Variants in NNMT observed in about 807,000 individuals in gnomAD.
The protein encoded by NNMT is nicotinamide N-methyltransferase.
A neutral mutation model predicts 11.7 loss-of-function variants in NNMT; 10 were observed. The observed-to-expected ratio is 0.85, with a 90% CI of 0.53 to 1.45. The LOEUF (loss-of-function observed/expected upper bound fraction) is 1.45, where lower values mean the gene tolerates loss of function less well. Among genes scored for constraint, NNMT ranks in the 40% most tolerant of loss-of-function variants. NNMT has a pLI of 0.00. For missense variants in NNMT, 381 were observed against 319.4 expected, an observed-to-expected ratio of 1.19 and a Z score of -1.47; for synonymous variants, 143 against 133.8, an observed-to-expected ratio of 1.07 and a Z score of -0.48.
intron 2 of NNMT, among the ~76,000 whole-genome samples, chr11:114,304,625 G>A (rs1454755420): frequency 1.3e-5 from 2 of 152,098 alleles, no homozygotes; most frequent in Non-Finnish European, 2.9e-5. Context: ...TTGTGCTAAA[G>A]GCTGCCAAAG....
In NNMT at chr11:114,298,036, G is replaced by C. The variant is rs1945400435; in HGVS notation, c.240G>C (p.Glu80Asp). 6.2e-7 allele frequency: 1 copy of C among 1,613,990 alleles called. No individual in the cohort carries two copies. The highest frequency in any genetic ancestry group is 1.3e-5 in the African/African-American group (1 of 74,910). Residue 80 changes from glutamate (E) to aspartate (D), a missense_variant, in exon 2 of 3, where the codon GAG (glutamate) becomes GAC (aspartate). Glu to Asp is a conservative substitution (Grantham distance 45). Coordinates refer to ENST00000299964, the MANE Select transcript of NNMT (RefSeq NM_006169.3). ...QLLSACESFKEIVVTDYSDQN... is the reference protein window; with the variant it reads ...QLLSACESFKDIVVTDYSDQN... ...TCTCTGCTTGTGAATCCTTTAAGGA[G>C]ATCGTCGTCACTGACTACTCAGACC...
chr11:114,259,201 G>A (rs577965752), intron 1 of NNMT, among the ~76,000 whole-genome samples: 14 of 152,324 alleles, frequency 9.2e-5, no homozygotes, highest in African/African-American at 3.4e-4. Flanking sequence ...AAGAAAGAGA[G>A]GGAGAAGGAG....
intron 2 of NNMT, among the ~76,000 whole-genome samples, chr11:114,283,238 T>A (rs1161308365): frequency 6.6e-6 from 1 of 152,200 alleles, no homozygotes; most frequent in Non-Finnish European, 1.5e-5. Context: ...CTGGAATCAT[T>A]GTGTTGGGGA....
At position 114,312,243 on chromosome 11, in the gene NNMT, GA is replaced by G. The variant is rs1381444376; in HGVS notation, c.563del (p.Lys188SerfsTer7). 1.2e-6 allele frequency: 2 copies of G among 1,614,110 alleles called. No individual in the cohort carries two copies. The highest frequency in any genetic ancestry group is 1.7e-6 in the Non-Finnish European group (2 of 1,180,056). On this transcript the variant is annotated frameshift_variant, in exon 3 of 3. Transcript: ENST00000299964. LOFTEE classifies it low-confidence loss of function (END_TRUNC). ...CGCTCAGGAACCTCGGCAGCCTACT[GA>G]AGCCAGGGGGCTTCCTGGTGATCAT... Reference protein sequence around the residue: ...RALRNLGSLLKPGGFLVIMDA... With the variant: ...RALRNLGSLLXPGGFLVIMDA...
intron 2 of NNMT, among the ~76,000 whole-genome samples, chr11:114,265,014 T>C (rs1309704570): frequency 6.6e-6 from 1 of 152,126 alleles, no homozygotes; most frequent in Non-Finnish European, 1.5e-5. Flanking sequence ...TTACTGGCCA[T>C]TGGAAATCAA....
At chr11:114,290,527 C>T (rs1945327700) in intron 2 of NNMT, among the ~76,000 whole-genome samples, 1 of 152,182 alleles carries the variant, frequency 6.6e-6, no homozygotes, top group Non-Finnish European at 1.5e-5. Flanking sequence ...GGAAAGCAAG[C>T]AATCTGATGC....
chr11:114,292,153 TC>T (rs1341230750), upstream of NNMT, among the ~76,000 whole-genome samples: 1 of 152,206 alleles, frequency 6.6e-6, no homozygotes, highest in Non-Finnish European at 1.5e-5. Flanking sequence ...TATTTACAAA[TC>T]TATTCAATTA....
At chr11:114,275,790 A>G (rs1358248822) in intron 2 of NNMT, among the ~76,000 whole-genome samples, 1 of 152,076 alleles carries the variant, frequency 6.6e-6, no homozygotes, top group East Asian at 1.9e-4. Flanking sequence ...GAATATTCTG[A>G]TATCCTGTGA....
intron 2 of NNMT, among the ~76,000 whole-genome samples, chr11:114,279,045 G>A (rs372098184): frequency 2.0e-5 from 3 of 152,162 alleles, no homozygotes; most frequent in East Asian, 1.9e-4. Context: ...TGTGTCCTGC[G>A]ATAGGTTCTT....
At chr11:114,304,802 C>T (rs528850220) in intron 2 of NNMT, among the ~76,000 whole-genome samples, 5 of 152,046 alleles carry the variant, frequency 3.3e-5, no homozygotes, top group Admixed American at 3.3e-4. Flanking sequence ...TGGTCACATT[C>T]CAGACTGGCT....
chr11:114,273,271 G>A (rs1024357603), intron 2 of NNMT, among the ~76,000 whole-genome samples: 1 of 152,192 alleles, frequency 6.6e-6, no homozygotes, highest in Admixed American at 6.5e-5. Context: ...GGCAGATGGC[G>A]AGAGGCGCTT....
At chr11:114,308,639 C>A (rs1031508241) in intron 2 of NNMT, among the ~76,000 whole-genome samples, 2 of 152,148 alleles carry the variant, frequency 1.3e-5, no homozygotes. Flanking sequence ...GAAATGACCA[C>A]ACCGCTGTTA....
intron 2 of NNMT, among the ~76,000 whole-genome samples, chr11:114,299,437 G>T (rs1945416206): frequency 6.6e-6 from 1 of 152,164 alleles, no homozygotes; most frequent in Non-Finnish European, 1.5e-5. Context: ...CACCAAAGTG[G>T]CATAAACTAC....
intron 2 of NNMT, chr11:114,270,196 C>G (rs1945159307): frequency 6.6e-6 from 1 of 152,020 alleles, no homozygotes; most frequent in Admixed American, 6.5e-5. Flanking sequence ...TGTGAATATT[C>G]CATGGGTACC....
At chr11:114,301,296 T>G (rs572231866) in intron 2 of NNMT, among the ~76,000 whole-genome samples, 1 of 152,326 alleles carries the variant, frequency 6.6e-6, no homozygotes, top group South Asian at 2.1e-4. Context: ...AGCTGTGGTA[T>G]GTCTACACAA....
At chr11:114,309,595 C>G (rs1945530775) in intron 2 of NNMT, among the ~76,000 whole-genome samples, 1 of 151,234 alleles carries the variant, frequency 6.6e-6, no homozygotes, top group African/African-American at 2.4e-5. Context: ...CTCTCTCTCT[C>G]TCTTTTAATA....
chr11:114,280,019 C>T (rs1400131950), intron 2 of NNMT, among the ~76,000 whole-genome samples: 2 of 152,156 alleles, frequency 1.3e-5, no homozygotes, highest in African/African-American at 2.4e-5. Context: ...GGTGGGGTCA[C>T]GGAAGGATGC....
intron 2 of NNMT, among the ~76,000 whole-genome samples, chr11:114,308,767 G>A (rs554975108): frequency 6.6e-6 from 1 of 152,100 alleles, no homozygotes; most frequent in Non-Finnish European, 1.5e-5. Context: ...TCCCTGCGTT[G>A]CCCCGAGGTG....
chr11:114,277,117 G>A (rs1945219178), intron 2 of NNMT, among the ~76,000 whole-genome samples: 1 of 152,162 alleles, frequency 6.6e-6, no homozygotes, highest in Non-Finnish European at 1.5e-5. Flanking sequence ...CAGCTACTCG[G>A]GAGGCTGAAG....
Sources: gnomAD v4.1 joint callset for allele counts (sites outside exome capture counted in the v4.1 genomes callset) on GRCh38, gnomAD v4.1.1 for gene constraint, MANE v1.5 for transcripts, NCBI Gene and HGNC (gene_info 2026-07-23, HGNC 2026-07-21) for gene names.